Variants in RARB observed in about 807,000 individuals in gnomAD.
RARB encodes the protein retinoic acid receptor beta, also known as HBV-activated protein.
A neutral mutation model predicts 51.9 loss-of-function variants in RARB; 17 were observed. The observed-to-expected ratio is 0.33, with a 90% CI of 0.22 to 0.49. RARB has a LOEUF of 0.49. RARB is among the 20% of genes least tolerant of loss of function. RARB has a pLI of 0.99. For synonymous variants in RARB, 215 were observed against 195.4 expected (o/e 1.10, Z -0.84); for missense variants, 369 against 550.8 (o/e 0.67, Z 3.30).
intron 5 of RARB, among the ~76,000 whole-genome samples, chr3:25,334,913 CCTT>C (rs144788801): frequency 0.016 from 2,387 of 152,160 alleles, 58 homozygotes; most frequent in African/African-American, 0.05. Flanking sequence ...GTGTTGGTCA[CCTT>C]CTTTTTTCAG....
chr3:25,343,022 CTTTGTGTGTGTGTGTGTGTG>C (rs1324559337), intron 5 of RARB, among the ~76,000 whole-genome samples: 73 of 89,466 alleles, frequency 8.2e-4, no homozygotes, highest in African/African-American at 3.5e-3. Flanking sequence ...TTTGCAAGTA[CTTTGTGTGTGTGTGTGTGTG>C]TGTGTGTGTG....
intron 5 of RARB, among the ~76,000 whole-genome samples, chr3:25,188,129 G>C (rs1701018766): frequency 6.6e-6 from 1 of 151,974 alleles, no homozygotes; most frequent in Non-Finnish European, 1.5e-5. Context: ...TATATGTTTT[G>C]GGGTATCCAT....
At chr3:25,589,464 G>T (rs1272352555) in intron 5 of RARB, among the ~76,000 whole-genome samples, 1 of 152,184 alleles carries the variant, frequency 6.6e-6, no homozygotes, top group African/African-American at 2.4e-5. Flanking sequence ...ACATGCTCTG[G>T]CTGCTGTGGA....
At chr3:25,585,853 T>C (rs1264803557) in intron 5 of RARB, among the ~76,000 whole-genome samples, 2 of 152,182 alleles carry the variant, frequency 1.3e-5, no homozygotes, top group Non-Finnish European at 2.9e-5. Flanking sequence ...GCGCAGCTAG[T>C]AAACAGTGGA....
chr3:25,505,338 C>T (rs763671628), intron 3 of RARB, among the ~76,000 whole-genome samples: 2 of 152,142 alleles, frequency 1.3e-5, no homozygotes, highest in Non-Finnish European at 2.9e-5. Flanking sequence ...TTTAAAACTC[C>T]GAGTTCCTTT....
chr3:25,063,732 A>G (rs1199595842), intron 3 of RARB, among the ~76,000 whole-genome samples: 4 of 149,802 alleles, frequency 2.7e-5, no homozygotes, highest in South Asian at 4.2e-4. Context: ...TTTTAAAAAG[A>G]TGAGGAAACA....
chr3:25,326,091 T>A (rs1375767993), intron 5 of RARB, among the ~76,000 whole-genome samples: 5 of 152,206 alleles, frequency 3.3e-5, no homozygotes, highest in Non-Finnish European at 7.3e-5. Flanking sequence ...TGTTCTTCCC[T>A]GCTTATCTCC....
chr3:24,987,705 T>C (rs891574261), intron 2 of RARB, among the ~76,000 whole-genome samples: 1 of 152,244 alleles, frequency 6.6e-6, no homozygotes, highest in Non-Finnish European at 1.5e-5. Flanking sequence ...TTTCCAAATT[T>C]GACTCCACAT....
At chr3:25,541,492 A>G (rs1699378895) in intron 3 of RARB, among the ~76,000 whole-genome samples, 1 of 152,176 alleles carries the variant, frequency 6.6e-6, no homozygotes, top group Non-Finnish European at 1.5e-5. Context: ...TGTTGAATGG[A>G]TGAATGAGTC....
chr3:25,590,371 C>G (rs1701568931), intron 5 of RARB, among the ~76,000 whole-genome samples: 1 of 152,178 alleles, frequency 6.6e-6, no homozygotes, highest in Non-Finnish European at 1.5e-5. Flanking sequence ...TCTCTGGATT[C>G]TTTCATTTTT....
chr3:25,519,723 T>TA (rs563688366), intron 3 of RARB, among the ~76,000 whole-genome samples: 16 of 151,922 alleles, frequency 1.1e-4, no homozygotes, highest in Non-Finnish European at 2.2e-4. Context: ...TTTGTGTGAT[T>TA]AAAAAAAAGA....
intron 2 of RARB, among the ~76,000 whole-genome samples, chr3:25,032,766 C>T (rs1002906863): frequency 2.0e-5 from 3 of 152,092 alleles, no homozygotes; most frequent in Non-Finnish European, 4.4e-5. Flanking sequence ...GCAACTGAAC[C>T]CACCCTTTGT....
At chr3:24,916,262 GAGAA>G (rs1488130750) in intron 2 of RARB, among the ~76,000 whole-genome samples, 8 of 152,210 alleles carry the variant, frequency 5.3e-5, no homozygotes, top group Non-Finnish European at 7.4e-5. Flanking sequence ...GGTACAAAAA[GAGAA>G]AGAAAGTTGA....
intron 3 of RARB, among the ~76,000 whole-genome samples, chr3:25,558,529 CTTT>C (rs55699410): frequency 0.51 from 65,683 of 129,086 alleles, 15,625 homozygotes; most frequent in African/African-American, 0.67. Context: ...GTTCCTGGCC[CTTT>C]TTTTTTTTTT....
At chr3:24,861,904 C>T (rs901889071) in intron 2 of RARB, among the ~76,000 whole-genome samples, 1 of 152,210 alleles carries the variant, frequency 6.6e-6, no homozygotes, top group Non-Finnish European at 1.5e-5. Context: ...GTTTAAGAAC[C>T]ACTGGTAGGG....
At chr3:25,114,753 T>C (rs1176167191) in intron 3 of RARB, among the ~76,000 whole-genome samples, 3 of 152,186 alleles carry the variant, frequency 2.0e-5, no homozygotes, top group Admixed American at 1.3e-4. Context: ...TGTTGACACC[T>C]CTGGCAAGAT....
chr3:25,014,707 A>G (rs901118619), intron 2 of RARB, among the ~76,000 whole-genome samples: 2 of 152,126 alleles, frequency 1.3e-5, no homozygotes, highest in East Asian at 3.9e-4. Flanking sequence ...ATCCAGCAGT[A>G]GAGGACTGGC....
chr3:25,387,689 C>T (rs369583114), intron 5 of RARB, among the ~76,000 whole-genome samples: 3 of 152,078 alleles, frequency 2.0e-5, no homozygotes, highest in South Asian at 4.2e-4. Flanking sequence ...CAGGTCCTCT[C>T]CCCATCTCTT....
chr3:24,860,082 G>A (rs908715205), intron 2 of RARB, among the ~76,000 whole-genome samples: 9 of 152,078 alleles, frequency 5.9e-5, no homozygotes, highest in Admixed American at 3.3e-4. Flanking sequence ...TTGTGATGCT[G>A]CCAGGATCTT....
Sources: gnomAD v4.1 joint callset for allele counts (sites outside exome capture counted in the v4.1 genomes callset) on GRCh38, gnomAD v4.1.1 for gene constraint, MANE v1.5 for transcripts, NCBI Gene and HGNC (gene_info 2026-07-23, HGNC 2026-07-21) for gene names.